Variants in LPP observed in about 807,000 individuals in gnomAD.
The protein encoded by LPP is lipoma-preferred partner.
LPP carries 38 observed loss-of-function variants against 60.4 expected under a neutral mutation model. The ratio of observed to expected loss-of-function variants is 0.63; its 90% confidence interval spans 0.49 to 0.83. LPP has a LOEUF of 0.83. LPP is among the 40% of genes least tolerant of loss of function. The pLI is 0.00. For missense variants in LPP, 902 were observed against 783.6 expected, an observed-to-expected ratio of 1.15 and a Z score of -1.80; for synonymous variants, 328 against 290.8, an observed-to-expected ratio of 1.13 and a Z score of -1.30.
chr3:188,536,228 C>A (rs1032000767), intron 6 of LPP, among the ~76,000 whole-genome samples: 1 of 152,064 alleles, frequency 6.6e-6, no homozygotes, highest in Non-Finnish European at 1.5e-5. Context: ...AGGGTGGCCT[C>A]GAACTCCCGA....
intron 7 of LPP, among the ~76,000 whole-genome samples, chr3:188,621,298 A>G (rs1845760161): frequency 6.6e-6 from 1 of 151,886 alleles, no homozygotes; most frequent in Admixed American, 6.6e-5. Flanking sequence ...CCAATAGGTA[A>G]TTTTTCAGAC....
chr3:188,664,401 T>G (rs1297800605), intron 7 of LPP, among the ~76,000 whole-genome samples: 1 of 152,194 alleles, frequency 6.6e-6, no homozygotes, highest in Non-Finnish European at 1.5e-5. Context: ...TTACACATGG[T>G]GTTTCAAGTT....
intron 2 of LPP, among the ~76,000 whole-genome samples, chr3:188,257,172 A>G (rs1297777235): frequency 6.6e-6 from 1 of 152,208 alleles, no homozygotes; most frequent in Non-Finnish European, 1.5e-5. Context: ...TCCCTGATGC[A>G]CATATAGTAA....
chr3:188,248,036 G>A (rs560534176), intron 2 of LPP, among the ~76,000 whole-genome samples: 1 of 152,170 alleles, frequency 6.6e-6, no homozygotes, highest in Admixed American at 6.5e-5. Context: ...TAAAGCTCCC[G>A]AGAGTTTAGA....
chr3:188,579,357 C>G (rs1216530815), intron 6 of LPP, among the ~76,000 whole-genome samples: 3 of 152,146 alleles, frequency 2.0e-5, no homozygotes, highest in Non-Finnish European at 4.4e-5. Flanking sequence ...TGGGTTCCAC[C>G]CAATCTCTAT....
At chr3:188,870,634 T>C (rs1767857800) in intron 10 of LPP, among the ~76,000 whole-genome samples, 1 of 152,224 alleles carries the variant, frequency 6.6e-6, no homozygotes, top group Non-Finnish European at 1.5e-5. Flanking sequence ...ACTCAATAAA[T>C]GGTAGCTTTA....
At chr3:188,735,206 A>G (rs1439369901) in intron 8 of LPP, among the ~76,000 whole-genome samples, 1 of 152,072 alleles carries the variant, frequency 6.6e-6, no homozygotes, top group Admixed American at 6.5e-5. Context: ...TGTTTCAGGC[A>G]ATTAAATATG....
chr3:188,648,391 A>T (rs1851481573), intron 7 of LPP, among the ~76,000 whole-genome samples: 1 of 152,124 alleles, frequency 6.6e-6, no homozygotes, highest in South Asian at 2.1e-4. Flanking sequence ...CCAAATCAGG[A>T]TGGGAAGTTA....
intron 6 of LPP, among the ~76,000 whole-genome samples, chr3:188,606,748 A>AT (rs1842451418): frequency 6.6e-6 from 1 of 152,162 alleles, no homozygotes; most frequent in African/African-American, 2.4e-5. Context: ...CCTAGAAAAA[A>AT]TTTAAGGTCA....
intron 2 of LPP, among the ~76,000 whole-genome samples, chr3:188,332,948 CCTT>C (rs1560260861): frequency 3.2e-5 from 3 of 95,064 alleles, no homozygotes; most frequent in South Asian, 3.6e-4. Flanking sequence ...CCATATTTTT[CCTT>C]CTTCTTTTCA....
chr3:188,703,024 C>T (rs1864794913), intron 7 of LPP, among the ~76,000 whole-genome samples: 1 of 152,144 alleles, frequency 6.6e-6, no homozygotes, highest in African/African-American at 2.4e-5. Flanking sequence ...TCTTAAGTCT[C>T]TATTTTCTCA....
At chr3:188,407,247 T>C (rs1783725706) in intron 4 of LPP, among the ~76,000 whole-genome samples, 1 of 152,234 alleles carries the variant, frequency 6.6e-6, no homozygotes, top group South Asian at 2.1e-4. Context: ...ATGACATTAA[T>C]GTTTGTTTTG....
At chr3:188,291,854 C>A (rs1746093537) in intron 2 of LPP, among the ~76,000 whole-genome samples, 1 of 152,060 alleles carries the variant, frequency 6.6e-6, no homozygotes, top group Non-Finnish European at 1.5e-5. Flanking sequence ...TTTCTTAAAG[C>A]AGTTCTGGAT....
At chr3:188,485,795 T>TAAAAAAAAAAAA (rs1477685729) in intron 5 of LPP, among the ~76,000 whole-genome samples, 1 of 1,200 alleles carries the variant, frequency 8.3e-4, no homozygotes, top group Non-Finnish European at 6.0e-3. Flanking sequence ...AGACTCCGTC[T>TAAAAAAAAAAAA]CAAAAAAAAA....
chr3:188,540,080 G>C (rs906111411), intron 6 of LPP, among the ~76,000 whole-genome samples: 1 of 152,132 alleles, frequency 6.6e-6, no homozygotes, highest in Non-Finnish European at 1.5e-5. Context: ...AGTTGTTACT[G>C]ACAAGAACCT....
chr3:188,769,132 A>G (rs1310443650), intron 9 of LPP, among the ~76,000 whole-genome samples: 2 of 152,214 alleles, frequency 1.3e-5, no homozygotes, highest in Admixed American at 6.5e-5. Flanking sequence ...AAAACTTTAA[A>G]ACGTATAAAT....
chr3:188,324,772 C>T (rs967380326), intron 2 of LPP, among the ~76,000 whole-genome samples: 1 of 152,178 alleles, frequency 6.6e-6, no homozygotes, highest in African/African-American at 2.4e-5. Flanking sequence ...TCACACCCCT[C>T]CCCTTAAGCC....
At chr3:188,444,618 G>A (rs1794785281) in intron 4 of LPP, among the ~76,000 whole-genome samples, 1 of 152,060 alleles carries the variant, frequency 6.6e-6, no homozygotes, top group African/African-American at 2.4e-5. Flanking sequence ...GCCAACAAAA[G>A]CCAAAATTGA....
At chr3:188,692,956 T>C (rs1862442507) in intron 7 of LPP, among the ~76,000 whole-genome samples, 1 of 152,216 alleles carries the variant, frequency 6.6e-6, no homozygotes, top group Non-Finnish European at 1.5e-5. Flanking sequence ...GATGATTTGA[T>C]TAGAAAAAAG....
Sources: gnomAD v4.1 joint callset for allele counts (sites outside exome capture counted in the v4.1 genomes callset) on GRCh38, gnomAD v4.1.1 for gene constraint, MANE v1.5 for transcripts, NCBI Gene and HGNC (gene_info 2026-07-23, HGNC 2026-07-21) for gene names.